The following SIAH2 variants were observed in gnomAD, a reference collection of about 807,000 sequenced individuals.
SIAH2 encodes the protein siah E3 ubiquitin protein ligase 2.
Under a neutral mutation model 20.4 loss-of-function variants are expected in SIAH2, and 4 were observed. That is an observed-to-expected ratio of 0.20 (90% confidence interval 0.10 to 0.45). SIAH2 has a LOEUF of 0.45. SIAH2 is among the 20% of genes least tolerant of loss of function. The probability of loss-of-function intolerance (pLI) is 0.99; values close to 1 mark genes in which losing one functional copy is unlikely to be tolerated. For missense variants in SIAH2, 259 were observed against 440.3 expected (o/e 0.59, Z 3.69); for synonymous variants, 171 against 192.5 (o/e 0.89, Z 0.93).
chr3:150,761,972 G>A (rs1489468432), intron 1 of SIAH2: 1 of 164,506 alleles, frequency 6.1e-6, no homozygotes, highest in African/African-American at 2.4e-5. Flanking sequence ...TGTCAGGGGT[G>A]CGCAGACGGT....
intron 1 of SIAH2, among the ~76,000 whole-genome samples, chr3:150,756,261 G>A (rs1384149585): frequency 2.6e-5 from 4 of 152,176 alleles, no homozygotes; most frequent in Admixed American, 6.5e-5. Context: ...CCCTGTGTAT[G>A]ATCATGTCCT....
rs1489822969 is a variant in SIAH2, at chr3:150,742,960, G to C, written c.418-262C>G. Among the ~76,000 whole-genome samples the C allele has an allele frequency of 6.6e-6, 1 of 152,194 alleles. No individual in the cohort carries two copies. On this transcript the variant is annotated intron_variant, in intron 1 of 1. Coordinates refer to ENST00000312960, the MANE Select transcript of SIAH2 (RefSeq NM_005067.7). This position sits in a 1 kb window ranked among gnomAD's most constrained non-coding sequence, Gnocchi z 4.8. Reference sequence around the variant, plus strand: ...CCCTGTTCCGCTGTCAAAGGGATCAGAACTAAAGTTCTCTTACTGTGCACA... The same window carrying C: ...CCCTGTTCCGCTGTCAAAGGGATCACAACTAAAGTTCTCTTACTGTGCACA...
chr3:150,761,298 G>A (rs905500667), intron 1 of SIAH2, among the ~76,000 whole-genome samples: 2 of 152,180 alleles, frequency 1.3e-5, no homozygotes, highest in African/African-American at 2.4e-5. Context: ...AGGTTATAAC[G>A]TAGACAAGTA....
At chr3:150,751,343 G>A (rs1714355990) in intron 1 of SIAH2, among the ~76,000 whole-genome samples, 1 of 152,052 alleles carries the variant, frequency 6.6e-6, no homozygotes, top group African/African-American at 2.4e-5. Flanking sequence ...AGAATTGCTT[G>A]AACCCGGGAG....
In SIAH2 at chr3:150,747,120, C is replaced by T. The variant is rs1476689014; in HGVS notation, c.418-4422G>A. On this transcript the variant is annotated intron_variant, in intron 1 of 1. Transcript: ENST00000312960. Reference sequence around the variant, plus strand: ...GGAAAAATAAACAAATAATTTACATCTGCCTTCACCCCTGGCCACCAACCC... The same window carrying T: ...GGAAAAATAAACAAATAATTTACATTTGCCTTCACCCCTGGCCACCAACCC... Among the ~76,000 whole-genome samples, 4 of 152,232 alleles carry T rather than the reference C, an allele frequency of 2.6e-5. No homozygotes were observed. The East Asian group carries it at 7.7e-4, about 29-fold the overall frequency.
intron 1 of SIAH2, among the ~76,000 whole-genome samples, chr3:150,758,431 T>TC (rs1225086520): frequency 2.0e-5 from 3 of 151,748 alleles, no homozygotes; most frequent in Non-Finnish European, 4.4e-5. Context: ...CCTTCACTTC[T>TC]CCCCCTAAAC....
At position 150,762,424 on chromosome 3, in the gene SIAH2, T is replaced by C. The variant is rs779095026; in HGVS notation, c.417+9A>G. Reference sequence around the variant, plus strand: ...CCGGCGGAGGTACGTGGGCTGTCCCTGGGCTTACCTTACAGGGAAACAGGA... The same window carrying C: ...CCGGCGGAGGTACGTGGGCTGTCCCCGGGCTTACCTTACAGGGAAACAGGA... On this transcript the variant is annotated intron_variant, in intron 1 of 1. Coordinates refer to ENST00000312960, the MANE Select transcript of SIAH2 (RefSeq NM_005067.7). The surrounding 1 kb of genome is among the most constrained non-coding windows in gnomAD (Gnocchi z 6.6). 6 of 1,606,692 alleles carry C rather than the reference T, an allele frequency of 3.7e-6. No homozygotes were observed. The highest frequency in any genetic ancestry group is 1.1e-5 in the South Asian group (1 of 90,100).
chr3:150,761,132 G>A (rs1576584577), intron 1 of SIAH2, among the ~76,000 whole-genome samples: 2 of 152,196 alleles, frequency 1.3e-5, no homozygotes, highest in Admixed American at 1.3e-4. Flanking sequence ...TTAAAAATGA[G>A]CTCTTGTCCT....
In SIAH2 at chr3:150,742,459, C is replaced by A; in HGVS notation, c.657G>T (p.Val219=). Residue 219 remains valine, a synonymous_variant, in exon 2 of 2, where the codon GTG becomes GTT. Transcript: ENST00000312960. The surrounding 1 kb of genome is among the most constrained non-coding windows in gnomAD (Gnocchi z 4.8). The part of the protein sequence containing the change: ...DINLPGAVDW[V]MMQSCFGHHF... Reference sequence around the variant, plus strand: ...GATGGCCAAAACATGACTGCATCATCACCCAGTCGACAGCCCCTGGCAAGT... The same window carrying A: ...GATGGCCAAAACATGACTGCATCATAACCCAGTCGACAGCCCCTGGCAAGT... 1 of 1,614,204 alleles carries A rather than the reference C, an allele frequency of 6.2e-7. No homozygotes were observed.
At chr3:150,754,092 T>C (rs879551005) in intron 1 of SIAH2, among the ~76,000 whole-genome samples, 1 of 152,210 alleles carries the variant, frequency 6.6e-6, no homozygotes, top group Non-Finnish European at 1.5e-5. Context: ...ATAAAGAATG[T>C]GTTAGATAAA....
chr3:150,760,505 T>C (rs112351775), intron 1 of SIAH2, among the ~76,000 whole-genome samples: 4 of 152,260 alleles, frequency 2.6e-5, no homozygotes, highest in African/African-American at 7.2e-5. Flanking sequence ...AAAGAACGTA[T>C]GCTTTCATAG....
Position 150,763,039 on chromosome 3 carries a change from C to G in SIAH2, c.-190G>C, listed in dbSNP as rs1714663411. 3.9e-6 allele frequency: 2 copies of G among 509,642 alleles called. No homozygotes were observed. Among genetic ancestry groups the G allele is most frequent in the Non-Finnish European group, 5.2e-6 (2 of 381,850 alleles). The allele number at this position is 509,642 out of a possible 1,614,324, so 31.6% of individuals were successfully genotyped here. A position where few individuals can be genotyped will look rare whatever the true frequency, so the allele number is the denominator to read the frequency against. Reference sequence around the variant, plus strand: ...ACCGCGCTGATGCACTCCGCAGCCCCCGGCGTTCCGAGCACGCCTCCGCGT... The same window carrying G: ...ACCGCGCTGATGCACTCCGCAGCCCGCGGCGTTCCGAGCACGCCTCCGCGT... On this transcript the variant is annotated 5_prime_UTR_variant, in exon 1 of 2. Transcript: ENST00000312960. This position sits in a 1 kb window ranked among gnomAD's most constrained non-coding sequence, Gnocchi z 4.1.
Position 150,742,225 on chromosome 3 carries a change from A to G in SIAH2, c.891T>C (p.Leu297=). ...VAAAIMNSDC[L]VFDTAIAHLF... ...GATGTGCTATGGCTGTGTCGAAAAC[A>G]AGGCAGTCGCTGTTCATGATGGCCG... Residue 297 remains leucine, a synonymous_variant, in exon 2 of 2, where the codon CTT becomes CTC. Transcript: ENST00000312960. This position sits in a 1 kb window ranked among gnomAD's most constrained non-coding sequence, Gnocchi z 4.8. The G allele has an allele frequency of 6.2e-7, 1 of 1,614,218 alleles. No homozygotes were observed. The highest frequency in any genetic ancestry group is 8.5e-7 in the Non-Finnish European group (1 of 1,180,040).
intron 1 of SIAH2, among the ~76,000 whole-genome samples, chr3:150,751,870 T>C (rs1040894392): frequency 5.3e-5 from 8 of 152,144 alleles, no homozygotes; most frequent in Non-Finnish European, 1.0e-4. Context: ...GGCATAATTA[T>C]TACTGCAGAA....
chr3:150,747,766 C>A (rs1714253850), intron 1 of SIAH2, among the ~76,000 whole-genome samples: 1 of 151,714 alleles, frequency 6.6e-6, no homozygotes, highest in South Asian at 2.1e-4. Flanking sequence ...CATGGTGAAA[C>A]CCCATCTCTA....
intron 1 of SIAH2, among the ~76,000 whole-genome samples, chr3:150,753,011 A>T (rs565134185): frequency 6.6e-6 from 1 of 152,234 alleles, no homozygotes; most frequent in Admixed American, 6.5e-5. Flanking sequence ...ATCCTTCACA[A>T]GCAACTTTGC....
Position 150,742,318 on chromosome 3 carries a change from C to T in SIAH2, c.798G>A (p.Glu266=), listed in dbSNP as rs1714110885. 1.9e-6 allele frequency: 3 copies of T among 1,614,202 alleles called. No individual in the cohort carries two copies. The highest frequency in any genetic ancestry group is 2.5e-6 in the Non-Finnish European group (3 of 1,180,042). The part of the protein sequence containing the change: ...KQAENFAYRL[E]LNGNRRRLTW... ...TCAATCTCCGCCGGTTCCCATTCAA[C>T]TCCAGTCTGTAGGCAAAGTTCTCGG... The change falls in exon 2 of 2, where the codon GAG becomes GAA. Residue 266 remains glutamate (E), a synonymous_variant. Coordinates refer to ENST00000312960, the MANE Select transcript of SIAH2 (RefSeq NM_005067.7). This position sits in a 1 kb window ranked among gnomAD's most constrained non-coding sequence, Gnocchi z 4.8.
At chr3:150,752,071 G>T (rs16862837) in intron 1 of SIAH2, among the ~76,000 whole-genome samples, 27,766 of 152,122 alleles carry the variant, frequency 0.18, 5,505 homozygotes, top group African/African-American at 0.48. Flanking sequence ...GTTTTGTGAG[G>T]TCCTTTCAAA....
In SIAH2 at chr3:150,742,468, G is replaced by A. The variant is rs748341268; in HGVS notation, c.648C>T (p.Val216=). The change falls in exon 2 of 2, where the codon GTC becomes GTT. Residue 216 remains valine (V), a synonymous_variant. Coordinates refer to ENST00000312960, the MANE Select transcript of SIAH2 (RefSeq NM_005067.7). The surrounding 1 kb of genome is among the most constrained non-coding windows in gnomAD (Gnocchi z 4.8). The part of the protein sequence containing the change: ...LATDINLPGA[V]DWVMMQSCFG... ...AACATGACTGCATCATCACCCAGTC[G>A]ACAGCCCCTGGCAAGTTAATGTCTG... 2.8e-5 allele frequency: 45 copies of A among 1,614,032 alleles called. No individual in the cohort carries two copies. Among genetic ancestry groups the A allele is most frequent in the Non-Finnish European group, 3.4e-5 (40 of 1,180,030 alleles).
Sources: allele counts gnomAD v4.1 joint callset (sites outside exome capture counted in the v4.1 genomes callset), GRCh38; gene constraint gnomAD v4.1.1; non-coding constraint Gnocchi (gnomAD v3.1); transcripts MANE v1.5; gene names NCBI Gene and HGNC (gene_info 2026-07-23, HGNC 2026-07-21).